The following WDR88 variants were observed in gnomAD, a reference collection of about 807,000 sequenced individuals.
WDR88 encodes the protein WD repeat-containing protein 88.
WDR88 carries 40 observed loss-of-function variants against 46.8 expected under a neutral mutation model. The observed-to-expected ratio is 0.86, with a 90% CI of 0.66 to 1.11. The LOEUF is 1.11. WDR88 is among the 50% of genes most tolerant of loss of function. The pLI is 0.00. For missense variants in WDR88, 562 were observed against 602.4 expected, an observed-to-expected ratio of 0.93 and a Z score of 0.70; for synonymous variants, 235 against 240.7, an observed-to-expected ratio of 0.98 and a Z score of 0.22.
In WDR88 at chr19:33,156,657, G is replaced by A. The variant is rs866571444; in HGVS notation, c.997+115G>A. The stretch of plus-strand genomic sequence containing the variant: ...TTCCAATGATGCTGACAGGGAGGGC[G>A]GATTCTTCCCCACGAGAACAAAAAA... On this transcript the variant is annotated intron_variant, in intron 7 of 10. Transcript: ENST00000355868. 42 of 1,227,198 alleles carry A rather than the reference G, an allele frequency of 3.4e-5. No individual in the cohort carries two copies. In the East Asian group the frequency reaches 4.7e-4, roughly 14 times the overall value. The allele number at this position is 1,227,198 out of a possible 1,614,324, so 76.0% of individuals were successfully genotyped here.
rs772896125 is a variant in WDR88, at chr19:33,137,757, T to C, written c.357T>C (p.Ser119=). ...GTGTGGATGACACAAAGCTCCTCAG[T>C]GGCTCCTATGACTGCACTGTGAAGC... ...HFCVDDTKLL[S]GSYDCTVKLW... Residue 119 remains serine, a synonymous_variant, in exon 2 of 11, where the codon AGT becomes AGC. Coordinates refer to ENST00000355868, the MANE Select transcript of WDR88 (RefSeq NM_173479.4). 3.7e-5 allele frequency: 59 copies of C among 1,613,596 alleles called. 1 individual carries two copies. In the Middle Eastern group the frequency reaches 5.2e-4, roughly 14 times the overall value.
In WDR88 at chr19:33,156,449, G is replaced by T; in HGVS notation, c.904G>T (p.Val302Phe). 1 of 1,614,140 alleles carries T rather than the reference G, an allele frequency of 6.2e-7. No homozygotes were observed. Reference protein sequence around the residue: ...SWDKNLKIWNVHTGEFRNCGA... With the variant: ...SWDKNLKIWNFHTGEFRNCGA... Reference sequence around the variant, plus strand: ...GGATAAAAACTTAAAAATATGGAACGTCCACACAGGGGAGTTTCGAAACTG... The same window carrying T: ...GGATAAAAACTTAAAAATATGGAACTTCCACACAGGGGAGTTTCGAAACTG... The change falls in exon 7 of 11, where the codon GTC becomes TTC. Residue 302 changes from valine (V) to phenylalanine (F), a missense_variant. Val to Phe is a conservative substitution (Grantham distance 50). Coordinates refer to ENST00000355868, the MANE Select transcript of WDR88 (RefSeq NM_173479.4).
intron 3 of WDR88, among the ~76,000 whole-genome samples, chr19:33,145,969 G>A (rs1973504048): frequency 2.0e-5 from 3 of 152,172 alleles, no homozygotes; most frequent in Non-Finnish European, 2.9e-5. Flanking sequence ...ATATCCCTGT[G>A]AAAAGACAGA....
At chr19:33,145,587 T>C (rs1056024547) in intron 3 of WDR88, among the ~76,000 whole-genome samples, 1 of 151,454 alleles carries the variant, frequency 6.6e-6, no homozygotes, top group Non-Finnish European at 1.5e-5. Context: ...CAGGCTGGAG[T>C]ATAGTGGTGC....
At chr19:33,133,417 G>A (rs1973181175) in intron 1 of WDR88, among the ~76,000 whole-genome samples, 1 of 151,952 alleles carries the variant, frequency 6.6e-6, no homozygotes, top group African/African-American at 2.4e-5. Context: ...GCATGGTGGT[G>A]CGTGCCTGTA....
rs371506076 is a variant in WDR88 at position 33,172,801 on chromosome 19, A to G, written c.1242+361A>G. ...AGCCATGCAGATATTTAGAGGAAAG[A>G]ACTTCCAGCTGGATGCGGTGTTTCA... On this transcript the variant is annotated intron_variant, in intron 10 of 10. Transcript: ENST00000355868. Among the ~76,000 whole-genome samples, 25 of 152,114 alleles carry G rather than the reference A, an allele frequency of 1.6e-4. 1 individual carries two copies. The South Asian group carries it at 4.6e-3, about 28-fold the overall frequency.
At chr19:33,148,996 A>G in intron 5 of WDR88, 86 bp downstream of exon 5, 2 of 1,577,642 alleles carry the variant, frequency 1.3e-6, no homozygotes, top group African/African-American at 1.4e-5. Flanking sequence ...CCATTGCTTT[A>G]TTTGGTGAAA....
chr19:33,164,082 G>T lies in WDR88; in HGVS notation c.1081-115G>T, dbSNP rs979004159. The T allele has an allele frequency of 3.4e-6, 3 of 892,414 alleles. 1 individual carries two copies. Among genetic ancestry groups the T allele is most frequent in the Non-Finnish European group, 5.4e-6 (3 of 553,360 alleles). 55.3% of individuals were successfully genotyped at this position (892,414 alleles called of 1,614,324 possible). A position where few individuals can be genotyped will look rare whatever the true frequency, so the allele number is the denominator to read the frequency against. On this transcript the variant is annotated intron_variant, in intron 8 of 10. Transcript: ENST00000355868. ...CCTCCTGGGCTCAGGTGACCCTCCC[G>T]ACTCGGCTTCCCAAAAGGCAGGTTA... is the stretch of plus-strand genomic sequence containing the variant.
chr19:33,158,286 C>T (rs909291958), intron 7 of WDR88, among the ~76,000 whole-genome samples: 9 of 152,086 alleles, frequency 5.9e-5, no homozygotes, highest in Non-Finnish European at 1.2e-4. Flanking sequence ...AGCAGCACCC[C>T]TTGTCTAAGT....
intron 5 of WDR88, 74 bp from the exon 6 acceptor site, chr19:33,151,101 TGGCTGG>T: frequency 1.3e-6 from 2 of 1,499,178 alleles, no homozygotes; most frequent in Admixed American, 2.0e-5. Context: ...TAATCGTCAC[TGGCTGG>T]GGAAGTCGTG....
intron 1 of WDR88, among the ~76,000 whole-genome samples, chr19:33,133,600 C>T (rs995680434): frequency 1.2e-4 from 19 of 152,220 alleles, no homozygotes. Context: ...ATTGCACTCA[C>T]ATGCAGATGT....
intron 10 of WDR88, chr19:33,174,428 T>C (rs4805858): frequency 0.24 from 335,856 of 1,375,942 alleles, 49,840 homozygotes; most frequent in East Asian, 0.61. Context: ...CCATGCATGG[T>C]GGGAACCCCT....
intron 6 of WDR88, among the ~76,000 whole-genome samples, chr19:33,153,111 C>T (rs1002009087): frequency 2.6e-5 from 4 of 151,994 alleles, no homozygotes; most frequent in African/African-American, 7.3e-5. Context: ...AGTGCAGTGA[C>T]GTGATCATAG....
Position 33,137,736 on chromosome 19 carries a change from G to A in WDR88, c.336G>A (p.Val112=). The A allele has an allele frequency of 6.2e-7, 1 of 1,613,944 alleles. No individual in the cohort carries two copies. Among genetic ancestry groups the A allele is most frequent in the Non-Finnish European group, 8.5e-7 (1 of 1,180,016 alleles). ...EHAVSTCHFC[V]DDTKLLSGSY... ...CTGTGAGCACCTGCCACTTCTGTGT[G>A]GATGACACAAAGCTCCTCAGTGGCT... Residue 112 remains valine, a synonymous_variant, in exon 2 of 11, where the codon GTG becomes GTA. Transcript: ENST00000355868.
chr19:33,153,058 T>G (rs1248797616), intron 6 of WDR88, among the ~76,000 whole-genome samples: 7 of 151,852 alleles, frequency 4.6e-5, no homozygotes, highest in Non-Finnish European at 1.5e-5. Flanking sequence ...CTTTTTATTT[T>G]ATTTGATTTC....
chr19:33,160,607 T>A, intron 8 of WDR88, 111 bp downstream of exon 8: 8 of 1,129,504 alleles, frequency 7.1e-6, no homozygotes, highest in Non-Finnish European at 9.2e-6. Context: ...CCTTGATGCC[T>A]CTGTGGGCTG....
rs892255611 is a variant in WDR88, at chr19:33,164,255, C to G, written c.1139C>G (p.Ser380Cys). 6.2e-7 allele frequency: 1 copy of G among 1,613,960 alleles called. No homozygotes were observed. The highest frequency in any genetic ancestry group is 1.1e-5 in the South Asian group (1 of 91,068). ...AISNNKKWILSASKDRTMRLW... is the reference protein window; with the variant it reads ...AISNNKKWILCASKDRTMRLW... ...AGCAACAACAAGAAATGGATCCTGT[C>G]TGCTTCCAAGGTAAAAGTGGTCAAG... Residue 380 changes from serine to cysteine, a missense_variant, in exon 9 of 11, where the codon TCT becomes TGT. Physicochemically the swap from Ser to Cys is moderately radical, Grantham distance 112. Coordinates refer to ENST00000355868, the MANE Select transcript of WDR88 (RefSeq NM_173479.4).
At chr19:33,149,684 A>G (rs1212396808) in intron 5 of WDR88, among the ~76,000 whole-genome samples, 3 of 149,690 alleles carry the variant, frequency 2.0e-5, no homozygotes, top group Non-Finnish European at 3.0e-5. Context: ...TTTGAGATGG[A>G]GTCTTGCTCT....
intron 7 of WDR88, among the ~76,000 whole-genome samples, chr19:33,157,683 GTATGTATATATATATATATATATA>G (rs1481824458): frequency 6.2e-4 from 4 of 6,448 alleles, no homozygotes; most frequent in Admixed American, 1.5e-3. Flanking sequence ...GTGTGTGTAT[GTATGTATATATATATATATATATA>G]TATATATATA....
Sources: allele counts gnomAD v4.1 joint callset (sites outside exome capture counted in the v4.1 genomes callset), GRCh38; gene constraint gnomAD v4.1.1; transcripts MANE v1.5; gene names NCBI Gene and HGNC (gene_info 2026-07-23, HGNC 2026-07-21).